SEMA4B: variants seen among roughly 807,000 people sequenced by gnomAD.
The protein encoded by SEMA4B is semaphorin-4B.
In SEMA4B, 55 loss-of-function variants were observed where a neutral mutation model predicts 88.1. That is an observed-to-expected ratio of 0.62 (90% CI 0.50 to 0.78). The LOEUF (loss-of-function observed/expected upper bound fraction) is 0.78. Ranked by LOEUF, SEMA4B falls within the 30% of genes least tolerant of loss-of-function variation. The pLI, the probability that SEMA4B is intolerant of heterozygous loss-of-function variation, is 0.00. For missense variants in SEMA4B, 1,062 were observed against 1,111.9 expected (o/e 0.96, Z 0.64); for synonymous variants, 525 against 473.6 (o/e 1.11, Z -1.41).
At position 90,221,523 on chromosome 15, in the gene SEMA4B, C is replaced by T. The variant is rs373626699; in HGVS notation, c.709+43C>T. 1.1e-5 allele frequency: 17 copies of T among 1,605,734 alleles called. No homozygotes were observed. The African/African-American group carries it at 2.3e-4, about 22-fold the overall frequency. On this transcript the variant is annotated intron_variant, in intron 6 of 13. Transcript: ENST00000411539. ...CCACCCAGAGGGCAGGGATCCTGTT[C>T]ACCCAGCCCTAGAAGGGGGCACTTT...
Position 90,219,881 on chromosome 15 carries a change from G to A in SEMA4B, c.473G>A (p.Cys158Tyr). The change falls in exon 4 of 14, where the codon TGT becomes TAT. Residue 158 changes from cysteine to tyrosine, a missense_variant. By Grantham distance (194) the Cys-to-Tyr change is radical (BLOSUM62 -2). Transcript: ENST00000411539. The stretch of plus-strand genomic sequence containing the variant: ...GGCACAGCAGCCTTCAGCCCCATGT[G>A]TACCTACATCGTGAGTGACCTGTCC... ...TCGTAAFSPM[C>Y]TYINMENFTL... 1.2e-6 allele frequency: 2 copies of A among 1,612,048 alleles called. No homozygotes were observed. Among genetic ancestry groups the A allele is most frequent in the South Asian group, 2.2e-5 (2 of 91,068 alleles).
At chr15:90,208,242 A>G (rs1185382666) in intron 1 of SEMA4B, among the ~76,000 whole-genome samples, 1 of 151,934 alleles carries the variant, frequency 6.6e-6, no homozygotes, top group Non-Finnish European at 1.5e-5. Flanking sequence ...AGACAAGAGC[A>G]AAACTCCATC....
chr15:90,195,676 C>T (rs1462123061), intron 1 of SEMA4B, among the ~76,000 whole-genome samples: 2 of 152,148 alleles, frequency 1.3e-5, no homozygotes, highest in Non-Finnish European at 2.9e-5. Flanking sequence ...GTGGCGTGAT[C>T]TCAGCTCACT....
At chr15:90,220,908 CCTCT>C (rs751402505) in intron 4 of SEMA4B, 70 bp from the exon 5 acceptor site, 3 of 978,888 alleles carry the variant, frequency 3.1e-6, no homozygotes, top group Non-Finnish European at 3.2e-6. Context: ...CTCCTGCACG[CCTCT>C]CTCTTTCTCA....
chr15:90,224,321 G>A (rs1421074439), intron 9 of SEMA4B, among the ~76,000 whole-genome samples: 2 of 152,224 alleles, frequency 1.3e-5, no homozygotes, highest in East Asian at 3.9e-4. Flanking sequence ...GAATGGGCAA[G>A]CTGTGGGGAA....
At chr15:90,219,704 G>A (rs896952293) in intron 3 of SEMA4B, 89 bp from the exon 4 acceptor site, 10 of 965,446 alleles carry the variant, frequency 1.0e-5, no homozygotes, top group African/African-American at 1.8e-5. Context: ...AGCAGAGGCC[G>A]GGCCTGGGTG....
Position 90,228,052 on chromosome 15 carries a change from G to T in SEMA4B, c.1923G>T (p.Gly641=). The T allele has an allele frequency of 6.2e-7, 1 of 1,613,806 alleles. No individual in the cohort carries two copies. Among genetic ancestry groups the T allele is most frequent in the Non-Finnish European group, 8.5e-7 (1 of 1,179,810 alleles). Residue 641 remains glycine (G), a synonymous_variant, in exon 14 of 14, where the codon GGG becomes GGT. Transcript: ENST00000411539. ...CCTCCTGCCACGTGCTACCCACTGG[G>T]GACCTGCTGCTGGTGGGCACCCAAC... ...ASASCHVLPT[G]DLLLVGTQQL...
rs563295507 is a variant in SEMA4B, at chr15:90,195,799, G to T, written c.-121-5659G>T. ...TAATTTTTGTAATTTTTGTAGAGAC[G>T]GAGTTTTGCCGTGTTGCCCAGGTTG... On this transcript the variant is annotated intron_variant, in intron 1 of 14. Coordinates refer to the SEMA4B transcript ENST00000332496. 1.2e-4 allele frequency among the ~76,000 whole-genome samples: 18 copies of T among 150,906 alleles called. No homozygotes were observed. The South Asian group carries it at 3.8e-3, about 32-fold the overall frequency.
chr15:90,201,758 C>T (rs1417129531), intron 1 of SEMA4B, 23 bp downstream of exon 1: 7 of 1,380,126 alleles, frequency 5.1e-6, no homozygotes, highest in Non-Finnish European at 9.4e-7. Flanking sequence ...GACCCGGGGA[C>T]GCGGGCCGGG....
At chr15:90,191,896 C>T (rs1960354618) in intron 1 of SEMA4B, 1 of 152,286 alleles carries the variant, frequency 6.6e-6, no homozygotes, top group African/African-American at 2.4e-5. Context: ...AAAGAATACA[C>T]AGGGTGTGCC....
chr15:90,195,937 T>C (rs113483793), intron 1 of SEMA4B, among the ~76,000 whole-genome samples: 1 of 119,116 alleles, frequency 8.4e-6, no homozygotes, highest in Non-Finnish European at 1.7e-5. Flanking sequence ...TTTTTTTTTT[T>C]CGAGACGGAG....
Position 90,202,717 on chromosome 15 carries a change from T to G in SEMA4B, c.157+982T>G, listed in dbSNP as rs562545172. Reference sequence around the variant, plus strand: ...ATGAAGTTTATAAGTGCCCAACAGATGTATCCGCAAGCCCTTTAACTTGTT... The same window carrying G: ...ATGAAGTTTATAAGTGCCCAACAGAGGTATCCGCAAGCCCTTTAACTTGTT... On this transcript the variant is annotated intron_variant, in intron 1 of 13. Transcript: ENST00000411539. Among the ~76,000 whole-genome samples the G allele has an allele frequency of 5.3e-5, 8 of 152,342 alleles. No individual in the cohort carries two copies. The South Asian group carries it at 1.7e-3, about 32-fold the overall frequency.
intron 12 of SEMA4B, among the ~76,000 whole-genome samples, chr15:90,226,087 T>C (rs893190326): frequency 3.9e-5 from 6 of 152,242 alleles, no homozygotes; most frequent in East Asian, 1.9e-4. Context: ...TGCAGGAAAA[T>C]GTGGATTAGC....
At chr15:90,190,538 G>C (rs1278132591) in intron 1 of SEMA4B, 1 of 152,500 alleles carries the variant, frequency 6.6e-6, no homozygotes, top group Non-Finnish European at 1.5e-5. Context: ...GGAAGAGGCA[G>C]AGGGGAGAGC....
At chr15:90,196,558 A>G (rs193128729), upstream of SEMA4B, among the ~76,000 whole-genome samples, 1 of 151,932 alleles carries the variant, frequency 6.6e-6, no homozygotes, top group East Asian at 1.9e-4. Context: ...GTGATCTCGG[A>G]TCACTGCAAC....
In SEMA4B at chr15:90,229,478, A is replaced by G. The variant is rs1302549880; in HGVS notation, c.*835A>G. 7 of 442,938 alleles carry G rather than the reference A, an allele frequency of 1.6e-5. No homozygotes were observed. Among genetic ancestry groups the G allele is most frequent in the Middle Eastern group, 3.3e-4 (1 of 3,014 alleles). The allele number at this position is 442,938 out of a possible 1,614,324, so 27.4% of individuals were successfully genotyped here. ...CCATCTTTGAACTCAAACACGAGGA[A>G]CTAACTGCACCCTGGTCCTCTCCCC... On this transcript the variant is annotated 3_prime_UTR_variant, in exon 14 of 14. Coordinates refer to ENST00000411539, the MANE Select transcript of SEMA4B (RefSeq NM_198925.4).
chr15:90,209,639 G>A (rs376557940), intron 1 of SEMA4B, among the ~76,000 whole-genome samples: 1 of 152,072 alleles, frequency 6.6e-6, no homozygotes, highest in Non-Finnish European at 1.5e-5. Context: ...GCCATCATCC[G>A]ACAGTGTCAC....
At chr15:90,186,454 T>C (rs1960169260) in intron 1 of SEMA4B, among the ~76,000 whole-genome samples, 1 of 151,136 alleles carries the variant, frequency 6.6e-6, no homozygotes. Context: ...ACCTCGTCTC[T>C]AGTAAAAACA....
intron 1 of SEMA4B, among the ~76,000 whole-genome samples, chr15:90,211,121 C>T (rs1443273535): frequency 3.9e-5 from 6 of 152,110 alleles, no homozygotes; most frequent in Non-Finnish European, 7.4e-5. Context: ...CCCTAGAAGC[C>T]GGGTTGTTAG....
Sources: gnomAD v4.1 joint callset for allele counts (sites outside exome capture counted in the v4.1 genomes callset) on GRCh38, gnomAD v4.1.1 for gene constraint, MANE v1.5 for transcripts, NCBI Gene and HGNC (gene_info 2026-07-23, HGNC 2026-07-21) for gene names.